FARS2: variants seen among roughly 807,000 people sequenced by gnomAD.
FARS2 encodes phenylalanyl-tRNA synthetase 2, mitochondrial.
Under a neutral mutation model 46.4 loss-of-function variants are expected in FARS2, and 40 were observed. The observed-to-expected ratio is 0.86, with a 90% CI of 0.67 to 1.12. The LOEUF is 1.12. Among genes scored for constraint, FARS2 ranks in the 50% most tolerant of loss-of-function variants. The pLI is 0.00. For synonymous variants in FARS2, 234 were observed against 214.9 expected, an observed-to-expected ratio of 1.09 and a Z score of -0.78; for missense variants, 513 against 567.9, an observed-to-expected ratio of 0.90 and a Z score of 0.98.
intron 1 of FARS2, among the ~76,000 whole-genome samples, chr6:5,337,144 T>G (rs192955784): frequency 1.1e-3 from 173 of 151,596 alleles, no homozygotes; most frequent in Non-Finnish European, 1.9e-3. Flanking sequence ...TTTATGAGAT[T>G]ATATATGTAT....
At chr6:5,426,766 C>T (rs1270818434) in intron 3 of FARS2, among the ~76,000 whole-genome samples, 4 of 152,214 alleles carry the variant, frequency 2.6e-5, no homozygotes, top group Non-Finnish European at 5.9e-5. Flanking sequence ...GCTGGTACTA[C>T]AGGCATGTGC....
At chr6:5,469,066 C>T (rs1308037267) in intron 4 of FARS2, among the ~76,000 whole-genome samples, 6 of 152,208 alleles carry the variant, frequency 3.9e-5, no homozygotes, top group Non-Finnish European at 7.3e-5. Context: ...GATTTGGGTT[C>T]TTGAAAAGGG....
At chr6:5,674,079 A>G (rs1350777134) in intron 6 of FARS2, among the ~76,000 whole-genome samples, 4 of 151,980 alleles carry the variant, frequency 2.6e-5, no homozygotes, top group South Asian at 4.2e-4. Context: ...TGATCCAGCC[A>G]AAGGTTTATG....
At chr6:5,611,775 A>G (rs1290035573) in intron 5 of FARS2, among the ~76,000 whole-genome samples, 2 of 152,178 alleles carry the variant, frequency 1.3e-5, no homozygotes, top group African/African-American at 4.8e-5. Flanking sequence ...ACTGTTGTCC[A>G]TGAATTGTTG....
chr6:5,522,177 A>G (rs1448221848), intron 4 of FARS2, among the ~76,000 whole-genome samples: 1 of 152,232 alleles, frequency 6.6e-6, no homozygotes, highest in African/African-American at 2.4e-5. Flanking sequence ...ATGCACAGTC[A>G]TAAGCTCTGG....
intron 4 of FARS2, among the ~76,000 whole-genome samples, chr6:5,483,326 C>T (rs1196214062): frequency 1.3e-5 from 2 of 152,150 alleles, no homozygotes; most frequent in African/African-American, 4.8e-5. Flanking sequence ...GTCTTTGGCT[C>T]TGCTTTTGGA....
At chr6:5,572,409 T>A (rs1284724067) in intron 5 of FARS2, among the ~76,000 whole-genome samples, 1 of 152,066 alleles carries the variant, frequency 6.6e-6, no homozygotes, top group Admixed American at 6.6e-5. Flanking sequence ...ACCCCCATGA[T>A]CCAAACACCT....
chr6:5,497,587 G>T (rs1050713099), intron 4 of FARS2, among the ~76,000 whole-genome samples: 1 of 152,132 alleles, frequency 6.6e-6, no homozygotes, highest in South Asian at 2.1e-4. Context: ...CACACCTTCA[G>T]TTAAAAGCCT....
intron 4 of FARS2, among the ~76,000 whole-genome samples, chr6:5,462,688 A>G (rs982556652): frequency 6.6e-6 from 1 of 152,228 alleles, no homozygotes; most frequent in East Asian, 1.9e-4. Context: ...AAATCTGTAT[A>G]TAGAACTGTG....
intron 1 of FARS2, among the ~76,000 whole-genome samples, chr6:5,354,877 A>G (rs1182904910): frequency 1.3e-5 from 2 of 152,022 alleles, no homozygotes; most frequent in Non-Finnish European, 2.9e-5. Flanking sequence ...TAAGGTACAG[A>G]CTGATGTGCC....
At chr6:5,675,183 G>A (rs991564922) in intron 6 of FARS2, among the ~76,000 whole-genome samples, 8 of 148,336 alleles carry the variant, frequency 5.4e-5, no homozygotes, top group African/African-American at 1.0e-4. Context: ...ATAAAAATGC[G>A]TTATATTTGC....
At chr6:5,575,137 A>C (rs1446926320) in intron 5 of FARS2, among the ~76,000 whole-genome samples, 1 of 152,198 alleles carries the variant, frequency 6.6e-6, no homozygotes, top group African/African-American at 2.4e-5. Context: ...ACCAGAGAGT[A>C]CTTCAGCACT....
upstream of FARS2, chr6:5,261,038 C>T (rs900737566): frequency 5.8e-6 from 5 of 863,554 alleles, no homozygotes; most frequent in African/African-American, 1.8e-5. Context: ...ACCCAGCAGC[C>T]GCTCCACGCG....
intron 4 of FARS2, among the ~76,000 whole-genome samples, chr6:5,510,909 A>G (rs1307962427): frequency 6.6e-6 from 1 of 152,166 alleles, no homozygotes; most frequent in Non-Finnish European, 1.5e-5. Context: ...CTTTACCGGT[A>G]TGCAGAGATG....
intron 4 of FARS2, among the ~76,000 whole-genome samples, chr6:5,468,159 G>A (rs181834894): frequency 3.5e-4 from 54 of 152,186 alleles, no homozygotes; most frequent in Middle Eastern, 3.4e-3. Context: ...ACTCTTTTAA[G>A]AGCTTCAGTG....
intron 5 of FARS2, among the ~76,000 whole-genome samples, chr6:5,550,107 T>C (rs1015104706): frequency 2.0e-5 from 3 of 152,092 alleles, no homozygotes; most frequent in Admixed American, 1.3e-4. Context: ...GTTGTAGACA[T>C]TTCCATTCAA....
intron 5 of FARS2, among the ~76,000 whole-genome samples, chr6:5,592,014 A>G (rs1470856621): frequency 1.3e-5 from 2 of 152,204 alleles, no homozygotes; most frequent in Non-Finnish European, 2.9e-5. Context: ...AGATGGGTCG[A>G]TTGATGCCAA....
At chr6:5,710,491 T>C (rs1759072783) in intron 6 of FARS2, among the ~76,000 whole-genome samples, 1 of 151,878 alleles carries the variant, frequency 6.6e-6, no homozygotes. Context: ...GGACATAGAG[T>C]AGTCCAGGAC....
At chr6:5,349,497 A>T (rs554529494) in intron 1 of FARS2, among the ~76,000 whole-genome samples, 4 of 152,308 alleles carry the variant, frequency 2.6e-5, no homozygotes, top group South Asian at 4.2e-4. Context: ...AAATGATTAA[A>T]CTTACTAACT....
Sources: allele counts gnomAD v4.1 joint callset (sites outside exome capture counted in the v4.1 genomes callset), GRCh38; gene constraint gnomAD v4.1.1; transcripts MANE v1.5; gene names NCBI Gene and HGNC (gene_info 2026-07-23, HGNC 2026-07-21).